Variants in ZFP69 observed in about 807,000 individuals in gnomAD.
ZFP69 encodes ZFP69 zinc finger protein.
A neutral mutation model predicts 48.9 loss-of-function variants in ZFP69; 35 were observed. The observed-to-expected ratio is 0.72, with a 90% CI of 0.55 to 0.95. The LOEUF (loss-of-function observed/expected upper bound fraction) is 0.95. Ranked by LOEUF, ZFP69 falls within the 40% of genes least tolerant of loss-of-function variation. The probability of loss-of-function intolerance (pLI) is 0.00; values close to 1 mark genes in which losing one functional copy is unlikely to be tolerated. For missense variants in ZFP69, 557 were observed against 638.4 expected (o/e 0.87, Z 1.37); for synonymous variants, 193 against 216.8 (o/e 0.89, Z 0.96).
intron 3 of ZFP69, among the ~76,000 whole-genome samples, chr1:40,485,814 T>C (rs75831615): frequency 0.04 from 6,149 of 152,288 alleles, 145 homozygotes; most frequent in Middle Eastern, 0.068. Context: ...GATTGTATTA[T>C]CTGTGATGAG....
rs1420150949 is a variant in ZFP69, at chr1:40,496,322, A to G, written c.*263A>G. 3.3e-6 allele frequency: 1 copy of G among 302,700 alleles called. No individual in the cohort carries two copies. The highest frequency in any genetic ancestry group is 2.1e-5 in the African/African-American group (1 of 46,650). 18.8% of individuals were successfully genotyped at this position (302,700 alleles called of 1,614,324 possible). A position where few individuals can be genotyped will look rare whatever the true frequency, so the allele number is the denominator to read the frequency against. On this transcript the variant is annotated 3_prime_UTR_variant, in exon 6 of 6. Coordinates refer to ENST00000372706, the MANE Select transcript of ZFP69 (RefSeq NM_001320179.2). ...TTTTTTTCTGATTTCATGGTGGATT[A>G]ATAAATTATTCTTCATGGGTATTCA...
At chr1:40,482,609 C>T (rs1645453571) in intron 3 of ZFP69, among the ~76,000 whole-genome samples, 1 of 151,972 alleles carries the variant, frequency 6.6e-6, no homozygotes, top group Admixed American at 6.6e-5. Flanking sequence ...GGGGCAATTA[C>T]TTTAGCTTTT....
At position 40,495,142 on chromosome 1, in the gene ZFP69, G is replaced by T. The variant is rs1645616464; in HGVS notation, c.664G>T (p.Glu222Ter). 6.2e-7 allele frequency: 1 copy of T among 1,613,922 alleles called. No homozygotes were observed. The highest frequency in any genetic ancestry group is 1.3e-5 in the African/African-American group (1 of 74,904). Residue 222 changes from glutamate (E) to a stop codon, truncating the protein, a stop_gained, in exon 6 of 6, where the codon GAA becomes TAA. Transcript: ENST00000372706. LOFTEE classifies it high-confidence loss of function. The part of the protein sequence containing the change: ...AILTHKKRVQ[E>*]TNKFGENIIV... ...CTTGACCCATAAGAAGAGAGTCCAAGAAACTAACAAATTTGGGGAAAATAT... is the reference window on the plus strand; with the variant it reads ...CTTGACCCATAAGAAGAGAGTCCAATAAACTAACAAATTTGGGGAAAATAT...
At chr1:40,492,247 G>A (rs1275953283) in intron 5 of ZFP69, among the ~76,000 whole-genome samples, 2 of 151,868 alleles carry the variant, frequency 1.3e-5, no homozygotes, top group Non-Finnish European at 2.9e-5. Context: ...TCAAAGTTTT[G>A]CTTTCCACAT....
At chr1:40,494,833 T>C in intron 5 of ZFP69, 88 bp from the exon 6 acceptor site, 1 of 1,166,538 alleles carries the variant, frequency 8.6e-7, no homozygotes, top group Non-Finnish European at 1.2e-6. Flanking sequence ...AGTCAAAATC[T>C]CATGCACTTA....
chr1:40,486,534 T>TC (rs889166775), intron 3 of ZFP69, among the ~76,000 whole-genome samples: 2 of 138,346 alleles, frequency 1.4e-5, no homozygotes, highest in Non-Finnish European at 3.1e-5. Context: ...TCCTCCTGCC[T>TC]CAGCCTCCTG....
At chr1:40,478,347 G>A (rs957528498) in intron 1 of ZFP69, among the ~76,000 whole-genome samples, 3 of 152,132 alleles carry the variant, frequency 2.0e-5, no homozygotes, top group African/African-American at 7.2e-5. Flanking sequence ...CTATTCTGCA[G>A]TAGTCCTCAT....
rs148785542 is a variant in ZFP69, at chr1:40,489,528, G to C, written c.347-1G>C. ...CACTGTTTTTTTTACTACATAAGCA[G>C]GATATCAACTTTCCAAACCTAGTGT... On this transcript the variant is annotated splice_acceptor_variant, in intron 4 of 5. Transcript: ENST00000372706. LOFTEE classifies it high-confidence loss of function. 1.1e-4 allele frequency: 179 copies of C among 1,609,526 alleles called. No homozygotes were observed. The African/African-American group carries it at 2.2e-3, about 20-fold the overall frequency.
intron 5 of ZFP69, among the ~76,000 whole-genome samples, chr1:40,490,117 C>T (rs183328882): frequency 1.3e-5 from 2 of 152,036 alleles, no homozygotes; most frequent in Admixed American, 6.6e-5. Flanking sequence ...CTGCCCACCT[C>T]GGCCTTCCAA....
chr1:40,481,036 T>C (rs2124440635), intron 2 of ZFP69, among the ~76,000 whole-genome samples: 1 of 152,344 alleles, frequency 6.6e-6, no homozygotes, highest in African/African-American at 2.4e-5. Context: ...CTCGAACTCC[T>C]GACCTCGTGA....
chr1:40,495,848 A>G lies in ZFP69; in HGVS notation c.1370A>G (p.His457Arg), dbSNP rs938242289. 2 of 1,614,250 alleles carry G rather than the reference A, an allele frequency of 1.2e-6. No individual in the cohort carries two copies. The highest frequency in any genetic ancestry group is 1.7e-6 in the Non-Finnish European group (2 of 1,180,040). Residue 457 changes from histidine to arginine, a missense_variant, in exon 6 of 6, where the codon CAT (histidine) becomes CGT (arginine). By Grantham distance (29) the His-to-Arg change is conservative. Coordinates refer to ENST00000372706, the MANE Select transcript of ZFP69 (RefSeq NM_001320179.2). Reference sequence around the variant, plus strand: ...AGGCAGAGGATACACCTTAGCAACCATAAAACTGTTCATACAGGAGTGAAA... The same window carrying G: ...AGGCAGAGGATACACCTTAGCAACCGTAAAACTGTTCATACAGGAGTGAAA... ...AFRQRIHLSNHKTVHTGVKAY... is the reference protein window; with the variant it reads ...AFRQRIHLSNRKTVHTGVKAY...
intron 2 of ZFP69, among the ~76,000 whole-genome samples, chr1:40,480,832 TAAATTA>T (rs1481279130): frequency 1.3e-5 from 2 of 152,226 alleles, no homozygotes; most frequent in Admixed American, 6.5e-5. Flanking sequence ...TGTGCAAATT[TAAATTA>T]AAATTAAAAG....
chr1:40,478,122 T>TCACACA (rs5773698), intron 1 of ZFP69, among the ~76,000 whole-genome samples: 5,206 of 147,224 alleles, frequency 0.035, 100 homozygotes, highest in Middle Eastern at 0.062. Context: ...CTGCATATAG[T>TCACACA]CACACACACA....
rs368253242 is a variant in ZFP69, at chr1:40,495,752, A to G, written c.1274A>G (p.Tyr425Cys). The G allele has an allele frequency of 6.2e-7, 1 of 1,614,170 alleles. No individual in the cohort carries two copies. The highest frequency in any genetic ancestry group is 8.5e-7 in the Non-Finnish European group (1 of 1,180,026). The change falls in exon 6 of 6, where the codon TAT (tyrosine) becomes TGT (cysteine). Residue 425 changes from tyrosine to cysteine, a missense_variant. Transcript: ENST00000372706. ...TGTAAAACCTTTAGTCATAGAGCGT[A>G]TCTAACACATCACCAGAGAATCCAT... Reference protein sequence around the residue: ...ACCKTFSHRAYLTHHQRIHTG... With the variant: ...ACCKTFSHRACLTHHQRIHTG...
At chr1:40,485,347 T>C (rs1483887380) in intron 3 of ZFP69, among the ~76,000 whole-genome samples, 2 of 152,284 alleles carry the variant, frequency 1.3e-5, no homozygotes, top group African/African-American at 4.8e-5. Context: ...TTACTTTGAA[T>C]TAATGTTTTA....
intron 5 of ZFP69, among the ~76,000 whole-genome samples, chr1:40,490,493 G>A (rs766269070): frequency 1.3e-5 from 2 of 152,112 alleles, no homozygotes; most frequent in Non-Finnish European, 2.9e-5. Context: ...CTGAGCCCTT[G>A]CAAAAGTCCC....
chr1:40,481,872 T>C lies in ZFP69; in HGVS notation c.219+18T>C. ...AATCCCAGGTGAGTAGGGATTCATC[T>C]CATTTTCTTGACATTGCTTCTCCTG... On this transcript the variant is annotated intron_variant, in intron 3 of 5. Transcript: ENST00000372706. The C allele has an allele frequency of 6.3e-7, 1 of 1,590,010 alleles. No homozygotes were observed. Among genetic ancestry groups the C allele is most frequent in the South Asian group, 1.1e-5 (1 of 89,950 alleles).
chr1:40,488,976 G>T (rs765823577), intron 3 of ZFP69, 112 bp from the exon 4 acceptor site: 2 of 1,322,728 alleles, frequency 1.5e-6, no homozygotes. Flanking sequence ...TCCAGAGAAG[G>T]CTCCTGATAA....
At position 40,496,242 on chromosome 1, in the gene ZFP69, T is replaced by A. The variant is rs561750735; in HGVS notation, c.*183T>A. 4.1e-6 allele frequency: 2 copies of A among 487,086 alleles called. No individual in the cohort carries two copies. Among genetic ancestry groups the A allele is most frequent in the East Asian group, 3.2e-5 (1 of 31,286 alleles). 30.2% of individuals were successfully genotyped at this position (487,086 alleles called of 1,614,324 possible). A position where few individuals can be genotyped will look rare whatever the true frequency, so the allele number is the denominator to read the frequency against. On this transcript the variant is annotated 3_prime_UTR_variant, in exon 6 of 6. Transcript: ENST00000372706. Reference sequence around the variant, plus strand: ...AACACCTCTAAAAAGTACTTAAGATTAAAATCTGGTCCTTAAAATTAAATG... The same window carrying A: ...AACACCTCTAAAAAGTACTTAAGATAAAAATCTGGTCCTTAAAATTAAATG...
Sources: allele counts gnomAD v4.1 joint callset (sites outside exome capture counted in the v4.1 genomes callset), GRCh38; gene constraint gnomAD v4.1.1; transcripts MANE v1.5; gene names NCBI Gene and HGNC (gene_info 2026-07-23, HGNC 2026-07-21).